Variants in PPP4R2 observed in about 807,000 individuals in gnomAD.
PPP4R2 encodes serine/threonine-protein phosphatase 4 regulatory subunit 2.
A neutral mutation model predicts 47.2 loss-of-function variants in PPP4R2; 13 were observed. That is an observed-to-expected ratio of 0.28 (90% CI 0.18 to 0.44). The LOEUF is 0.44. PPP4R2 is among the 20% of genes least tolerant of loss of function. The pLI, the probability that PPP4R2 is intolerant of heterozygous loss-of-function variation, is 1.00. For synonymous variants in PPP4R2, 151 were observed against 163.3 expected, an observed-to-expected ratio of 0.92 and a Z score of 0.57; for missense variants, 421 against 491.2, an observed-to-expected ratio of 0.86 and a Z score of 1.35.
At chr3:73,005,202 A>G (rs1701581251) in intron 2 of PPP4R2, among the ~76,000 whole-genome samples, 1 of 151,946 alleles carries the variant, frequency 6.6e-6, no homozygotes, top group Non-Finnish European at 1.5e-5. Context: ...TCGCCTCCCA[A>G]AGTGTCAGGA....
At chr3:73,055,417 C>CGTGTGTGTGT (rs10663655) in intron 3 of PPP4R2, among the ~76,000 whole-genome samples, 17,801 of 137,188 alleles carry the variant, frequency 0.13, 1,372 homozygotes, top group African/African-American at 0.15. Flanking sequence ...AGTGGGGTAG[C>CGTGTGTGTGT]GTGTGTGTGT....
chr3:73,065,555 G>A lies in PPP4R2; in HGVS notation c.1087G>A (p.Gly363Ser), dbSNP rs1488827816. 3 of 1,613,018 alleles carry A rather than the reference G, an allele frequency of 1.9e-6. No individual in the cohort carries two copies. Among genetic ancestry groups the A allele is most frequent in the Non-Finnish European group, 2.5e-6 (3 of 1,179,682 alleles). The change falls in exon 9 of 9, where the codon GGT (glycine) becomes AGT (serine). Residue 363 changes from glycine to serine, a missense_variant. Physicochemically the swap from Gly to Ser is moderately conservative, Grantham distance 56. This residue lies in a region of PPP4R2 where 317 missense variants were observed against 287.5 expected (regional missense o/e 1.10). Transcript: ENST00000356692. ...QAEKDLLHSE[G>S]SENEGPVSSS... ...TGAGAAAGATTTGCTACATTCTGAA[G>A]GTAGTGAAAACGAAGGCCCTGTAAG...
intron 2 of PPP4R2, among the ~76,000 whole-genome samples, chr3:73,032,895 A>C (rs1015559663): frequency 2.6e-5 from 4 of 151,974 alleles, no homozygotes; most frequent in Admixed American, 1.3e-4. Context: ...TTAGTTGTTT[A>C]TATATCAATT....
At chr3:73,001,199 T>G (rs547316018) in intron 2 of PPP4R2, among the ~76,000 whole-genome samples, 1 of 152,270 alleles carries the variant, frequency 6.6e-6, no homozygotes, top group Non-Finnish European at 1.5e-5. Context: ...TACTAAGACT[T>G]GCAATTCAGA....
At chr3:72,999,656 A>G (rs1701419753) in intron 2 of PPP4R2, among the ~76,000 whole-genome samples, 1 of 152,230 alleles carries the variant, frequency 6.6e-6, no homozygotes, top group African/African-American at 2.4e-5. Flanking sequence ...TAGCTTTTTA[A>G]TATCCTGTCT....
At chr3:73,049,990 G>T (rs1268180758) in intron 3 of PPP4R2, among the ~76,000 whole-genome samples, 1 of 152,038 alleles carries the variant, frequency 6.6e-6, no homozygotes, top group African/African-American at 2.4e-5. Context: ...ACCCAGGCTG[G>T]AGTGCAGTGG....
intron 2 of PPP4R2, among the ~76,000 whole-genome samples, chr3:73,000,020 AGAAT>A (rs1174824812): frequency 1.3e-5 from 2 of 152,152 alleles, no homozygotes; most frequent in Non-Finnish European, 2.9e-5. Context: ...TTGTAACGAG[AGAAT>A]GAAAATGAAA....
intron 3 of PPP4R2, among the ~76,000 whole-genome samples, chr3:73,056,476 T>G (rs775529188): frequency 2.6e-5 from 4 of 152,226 alleles, no homozygotes; most frequent in Non-Finnish European, 5.9e-5. Context: ...TACTAATATT[T>G]CCAGTGGATC....
At chr3:73,049,498 C>CA (rs1055156906) in intron 3 of PPP4R2, among the ~76,000 whole-genome samples, 54 of 147,774 alleles carry the variant, frequency 3.7e-4, no homozygotes, top group African/African-American at 8.9e-4. Context: ...GACTCCATCT[C>CA]AAAAAAAAAG....
chr3:73,007,740 C>T (rs966944421), intron 2 of PPP4R2, among the ~76,000 whole-genome samples: 4 of 152,202 alleles, frequency 2.6e-5, no homozygotes, highest in Admixed American at 6.5e-5. Context: ...CGACCCGTCT[C>T]GGCTTCCCGA....
intron 2 of PPP4R2, among the ~76,000 whole-genome samples, chr3:73,029,848 A>G (rs1702136019): frequency 1.3e-5 from 2 of 152,212 alleles, no homozygotes; most frequent in Admixed American, 1.3e-4. Context: ...CAGGAAAGTA[A>G]TTAAGGAGGA....
chr3:73,032,847 A>T (rs1053639527), intron 2 of PPP4R2, among the ~76,000 whole-genome samples: 2 of 151,960 alleles, frequency 1.3e-5, no homozygotes, highest in Non-Finnish European at 1.5e-5. Context: ...TTTTTCATTT[A>T]ATTTTCTGTA....
chr3:73,024,044 C>T (rs1433228937), intron 2 of PPP4R2, among the ~76,000 whole-genome samples: 1 of 151,848 alleles, frequency 6.6e-6, no homozygotes, highest in African/African-American at 2.4e-5. Flanking sequence ...AGGTAAAAAG[C>T]TTATATTAAA....
chr3:73,022,764 A>T (rs1296225947), intron 2 of PPP4R2, among the ~76,000 whole-genome samples: 3 of 140,864 alleles, frequency 2.1e-5, no homozygotes, highest in South Asian at 2.5e-4. Flanking sequence ...AGCTTGCCGC[A>T]TTTCTTTTTT....
rs17010390 is a variant in PPP4R2 at position 73,025,953 on chromosome 3, A to G, written c.117-21233A>G. On this transcript the variant is annotated intron_variant, in intron 2 of 8. Coordinates refer to ENST00000356692, the MANE Select transcript of PPP4R2 (RefSeq NM_174907.4). ...GAGGGTTCACAGACAACATTAGGTT[A>G]TGGATCTGTAGATAATATCTGTTCA... Among the ~76,000 whole-genome samples, 1,205 of 152,278 alleles carry G rather than the reference A, an allele frequency of 7.9e-3. 35 individuals are homozygous for G. The highest frequency in any genetic ancestry group is 0.065 in the East Asian group (337 of 5,172).
At chr3:73,004,843 G>A (rs1399611385) in intron 2 of PPP4R2, among the ~76,000 whole-genome samples, 1 of 98,650 alleles carries the variant, frequency 1.0e-5, no homozygotes, top group African/African-American at 5.9e-5. Flanking sequence ...ATACAGTGTG[G>A]GGTGTGTGTG....
chr3:72,998,587 A>G (rs1160022060), intron 2 of PPP4R2, among the ~76,000 whole-genome samples: 2 of 151,956 alleles, frequency 1.3e-5, no homozygotes, highest in African/African-American at 4.8e-5. Flanking sequence ...TCATATTTGC[A>G]TATGTAGGTG....
In PPP4R2 at chr3:73,066,570, T is replaced by A. The variant is rs1289853742; in HGVS notation, c.*848T>A. 6.6e-6 allele frequency: 1 copy of A among 152,088 alleles called. No homozygotes were observed. Among genetic ancestry groups the A allele is most frequent in the Non-Finnish European group, 1.5e-5 (1 of 67,952 alleles). 9.4% of individuals were successfully genotyped at this position (152,088 alleles called of 1,614,324 possible). ...TATCTTGGAAATTGTGTTCAAATGT[T>A]AGCTTACTATTTTGTAGAATGAATG... On this transcript the variant is annotated 3_prime_UTR_variant, in exon 9 of 9. Transcript: ENST00000356692.
intron 2 of PPP4R2, among the ~76,000 whole-genome samples, chr3:73,028,319 T>A (rs1410473226): frequency 6.7e-6 from 1 of 150,138 alleles, no homozygotes; most frequent in Non-Finnish European, 1.5e-5. Context: ...ATTACAGGTG[T>A]GAGCCACCAT....
Sources: gnomAD v4.1 joint callset for allele counts (sites outside exome capture counted in the v4.1 genomes callset) on GRCh38, gnomAD v4.1.1 for gene constraint, gnomAD v4.1.1 regional missense constraint, MANE v1.5 for transcripts, NCBI Gene and HGNC (gene_info 2026-07-23, HGNC 2026-07-21) for gene names.